GDF6: variants seen among roughly 807,000 people sequenced by gnomAD.
The protein encoded by GDF6 is growth/differentiation factor 6.
A neutral mutation model predicts 32.4 loss-of-function variants in GDF6; 3 were observed. The ratio of observed to expected loss-of-function variants is 0.09; its 90% confidence interval spans 0.04 to 0.24. The LOEUF is 0.24. Among genes scored for constraint, GDF6 ranks in the 10% least tolerant of loss-of-function variants. The pLI, the probability that GDF6 is intolerant of heterozygous loss-of-function variation, is 1.00. For synonymous variants in GDF6, 296 were observed against 295.3 expected (o/e 1.00, Z -0.03); for missense variants, 589 against 637.9 (o/e 0.92, Z 0.83).
At chr8:96,154,137 GCCCCTGTGCCCGT>G (rs1812617776) in intron 1 of GDF6, among the ~76,000 whole-genome samples, 1 of 152,112 alleles carries the variant, frequency 6.6e-6, no homozygotes. Flanking sequence ...CCCCTGCGCT[GCCCCTGTGCCCGT>G]CCTCTGTCCT....
Position 96,160,390 on chromosome 8 carries a change from G to A in GDF6, c.303C>T (p.Ile101=). The part of the protein sequence containing the change: ...RVVPHEYMLS[I]YRTYSIAEKL... ...TCTCAGCGATGGAGTAAGTCCTGTA[G>A]ATTGACAGCATGTACTCGTGGGGCA... is the stretch of plus-strand genomic sequence containing the variant. Residue 101 remains isoleucine, a synonymous_variant, in exon 1 of 2, where the codon ATC becomes ATT. Coordinates refer to ENST00000287020, the MANE Select transcript of GDF6 (RefSeq NM_001001557.4). The A allele has an allele frequency of 6.2e-7, 1 of 1,614,208 alleles. No homozygotes were observed. The highest frequency in any genetic ancestry group is 1.7e-5 in the Admixed American group (1 of 60,036).
intron 1 of GDF6, among the ~76,000 whole-genome samples, chr8:96,158,868 C>A (rs1265603064): frequency 6.6e-6 from 1 of 152,124 alleles, no homozygotes; most frequent in Non-Finnish European, 1.5e-5. Flanking sequence ...GTTAATTTGC[C>A]CTCTGGACCT....
intron 1 of GDF6, among the ~76,000 whole-genome samples, chr8:96,151,282 TC>T (rs1812564919): frequency 6.6e-6 from 1 of 152,238 alleles, no homozygotes; most frequent in Non-Finnish European, 1.5e-5. Flanking sequence ...AGCATAATAA[TC>T]GTTAAGAGCA....
chr8:96,152,305 A>G (rs1448574724), intron 1 of GDF6, among the ~76,000 whole-genome samples: 1 of 152,066 alleles, frequency 6.6e-6, no homozygotes, highest in Non-Finnish European at 1.5e-5. Flanking sequence ...GATGACCTCC[A>G]CCCCAGCCAC....
Position 96,142,689 on chromosome 8 carries a change from A to C in GDF6, c.*1874T>G, listed in dbSNP as rs1365297296. ...CTGTCCATTTCCTCTTTGCACTTTC[A>C]GTCACCTTAAATAAACAAATATATA... On this transcript the variant is annotated 3_prime_UTR_variant, in exon 2 of 2. Coordinates refer to ENST00000287020, the MANE Select transcript of GDF6 (RefSeq NM_001001557.4). 1 of 152,682 alleles carries C rather than the reference A, an allele frequency of 6.5e-6. No homozygotes were observed. Among genetic ancestry groups the C allele is most frequent in the East Asian group, 1.9e-4 (1 of 5,202 alleles). 9.5% of individuals were successfully genotyped at this position (152,682 alleles called of 1,614,324 possible).
chr8:96,156,397 TCTCTCTC>T (rs1451367490), intron 1 of GDF6, among the ~76,000 whole-genome samples: 1 of 149,060 alleles, frequency 6.7e-6, no homozygotes, highest in Non-Finnish European at 1.5e-5. Flanking sequence ...TCTCTCTCTC[TCTCTCTC>T]TTTCCCTCTC....
At chr8:96,155,094 G>T (rs983231946) in intron 1 of GDF6, among the ~76,000 whole-genome samples, 13 of 152,114 alleles carry the variant, frequency 8.5e-5, no homozygotes, top group African/African-American at 2.7e-4. Flanking sequence ...CTTTTAATGC[G>T]CAGAAACCAC....
chr8:96,153,711 C>T (rs1285031689), intron 1 of GDF6, among the ~76,000 whole-genome samples: 2 of 152,104 alleles, frequency 1.3e-5, no homozygotes, highest in Non-Finnish European at 2.9e-5. Context: ...ATGTGACTTC[C>T]GCTCCCTGAC....
chr8:96,158,287 G>C (rs1056399683), intron 1 of GDF6, among the ~76,000 whole-genome samples: 10 of 152,298 alleles, frequency 6.6e-5, no homozygotes, highest in Non-Finnish European at 1.2e-4. Flanking sequence ...CTATCTCCAG[G>C]ATCGGGGGCA....
In GDF6 at chr8:96,144,528, C is replaced by T. The variant is rs754843511; in HGVS notation, c.*35G>A. On this transcript the variant is annotated 3_prime_UTR_variant, in exon 2 of 2. Coordinates refer to ENST00000287020, the MANE Select transcript of GDF6 (RefSeq NM_001001557.4). The surrounding 1 kb of genome is among the most constrained non-coding windows in gnomAD (Gnocchi z 5.1). ...CCCTGCAAGGCGGACCTTGGCCCAC[C>T]TTGGTTCCGGGCCAAGGCGGCGGGA... The T allele has an allele frequency of 2.5e-6, 4 of 1,609,312 alleles. No individual in the cohort carries two copies. Among genetic ancestry groups the T allele is most frequent in the Non-Finnish European group, 3.4e-6 (4 of 1,178,146 alleles).
Position 96,144,722 on chromosome 8 carries a change from G to C in GDF6, c.1209C>G (p.Ile403Met). ...SHLEPTNHAI[I>M]QTLMNSMDPG... Reference sequence around the variant, plus strand: ...GGTCCATGGAGTTCATCAGCGTCTGGATGATGGCGTGGTTGGTGGGCTCCA... The same window carrying C: ...GGTCCATGGAGTTCATCAGCGTCTGCATGATGGCGTGGTTGGTGGGCTCCA... Residue 403 changes from isoleucine to methionine, a missense_variant, in exon 2 of 2, where the codon ATC (isoleucine) becomes ATG (methionine). Ile to Met is a conservative substitution (Grantham distance 10). This residue lies in a region of GDF6 where 153 missense variants were observed against 226.7 expected (regional missense o/e 0.67). Coordinates refer to ENST00000287020, the MANE Select transcript of GDF6 (RefSeq NM_001001557.4). The surrounding 1 kb of genome is among the most constrained non-coding windows in gnomAD (Gnocchi z 5.1). 1.2e-6 allele frequency: 2 copies of C among 1,614,186 alleles called. No individual in the cohort carries two copies. Among genetic ancestry groups the C allele is most frequent in the Non-Finnish European group, 1.7e-6 (2 of 1,180,026 alleles).
At chr8:96,155,651 G>A (rs939599277) in intron 1 of GDF6, among the ~76,000 whole-genome samples, 30 of 152,118 alleles carry the variant, frequency 2.0e-4, no homozygotes, top group African/African-American at 6.8e-4. Context: ...CCCTCTTTCC[G>A]GGGAAATAAA....
rs1812423617 is a variant in GDF6, at chr8:96,144,275, A to AGAGG, written c.*287_*288insCCTC. ...GAGAGAGAGAGAGAGAGAGAGAGAG[A>AGAGG]GAGAGAGAGAGAGAGAAAACAGAAC... On this transcript the variant is annotated 3_prime_UTR_variant, in exon 2 of 2. Coordinates refer to ENST00000287020, the MANE Select transcript of GDF6 (RefSeq NM_001001557.4). This position sits in a 1 kb window ranked among gnomAD's most constrained non-coding sequence, Gnocchi z 5.1. 4 of 468,422 alleles carry AGAGG rather than the reference A, an allele frequency of 8.5e-6. No homozygotes were observed. Among genetic ancestry groups the AGAGG allele is most frequent in the Non-Finnish European group, 1.6e-5 (4 of 257,334 alleles). 29.0% of individuals were successfully genotyped at this position (468,422 alleles called of 1,614,324 possible).
chr8:96,156,124 G>GT (rs1812656250), intron 1 of GDF6, among the ~76,000 whole-genome samples: 2 of 152,236 alleles, frequency 1.3e-5, no homozygotes, highest in Non-Finnish European at 2.9e-5. Flanking sequence ...CTTCAAGGAT[G>GT]TTCCCATCTC....
Position 96,145,081 on chromosome 8 carries a change from A to G in GDF6, c.850T>C (p.Ser284Pro), listed in dbSNP as rs1812450301. 6.6e-7 allele frequency: 1 copy of G among 1,515,884 alleles called. No individual in the cohort carries two copies. Among genetic ancestry groups the G allele is most frequent in the Non-Finnish European group, 8.8e-7 (1 of 1,141,392 alleles). 93.9% of individuals were successfully genotyped at this position (1,515,884 alleles called of 1,614,324 possible). ...TCTGCGAACAGGTTCTTGCGCTGGG[A>G]TCTGGTGAATACCACCAGCAGGGCC... ...ERALLVVFTR[S>P]QRKNLFAEMR... Residue 284 changes from serine (S) to proline (P), a missense_variant, in exon 2 of 2, where the codon TCC (serine) becomes CCC (proline). By Grantham distance (74) the Ser-to-Pro change is moderately conservative. Transcript: ENST00000287020. The surrounding 1 kb of genome is among the most constrained non-coding windows in gnomAD (Gnocchi z 5.6).
rs773668867 is a variant in GDF6, at chr8:96,160,653, T to C, written c.40A>G (p.Ile14Val). The C allele has an allele frequency of 5.1e-5, 83 of 1,613,492 alleles. No individual in the cohort carries two copies. The highest frequency in any genetic ancestry group is 6.0e-5 in the Non-Finnish European group (71 of 1,179,646). The change falls in exon 1 of 2, where the codon ATC (isoleucine) becomes GTC (valine). Residue 14 changes from isoleucine (I) to valine (V), a missense_variant. By Grantham distance (29) the Ile-to-Val change is conservative. Transcript: ENST00000287020. Reference sequence around the variant, plus strand: ...CCGGGCAAATCCCACAGAAAACTGATGAGGAAGACGGCCGAGAGCAGGACC... The same window carrying C: ...CCGGGCAAATCCCACAGAAAACTGACGAGGAAGACGGCCGAGAGCAGGACC... The part of the protein sequence containing the change: ...PRVLLSAVFL[I>V]SFLWDLPGFQ...
chr8:96,157,375 G>C (rs536012500), intron 1 of GDF6, among the ~76,000 whole-genome samples: 1 of 152,296 alleles, frequency 6.6e-6, no homozygotes, highest in Admixed American at 6.5e-5. Context: ...TAGGCTTCAG[G>C]TGTAACTTTG....
intron 1 of GDF6, among the ~76,000 whole-genome samples, chr8:96,160,052 G>T (rs1353249281): frequency 2.0e-5 from 3 of 152,148 alleles, no homozygotes; most frequent in Non-Finnish European, 4.4e-5. Context: ...AGAGGAAGAA[G>T]GAAAGAAGGG....
chr8:96,145,215 T>C lies in GDF6; in HGVS notation c.716A>G (p.Glu239Gly), dbSNP rs1050890994. The C allele has an allele frequency of 3.3e-6, 5 of 1,510,022 alleles. No individual in the cohort carries two copies. The East Asian group carries it at 1.3e-4, about 40-fold the overall frequency. The allele number at this position is 1,510,022 out of a possible 1,614,324, so 93.5% of individuals were successfully genotyped here. The change falls in exon 2 of 2, where the codon GAG (glutamate) becomes GGG (glycine). Residue 239 changes from glutamate to glycine, a missense_variant. Glu to Gly is a moderately conservative substitution (Grantham distance 98, BLOSUM62 -2). Around this residue, in one of 2 missense-constraint regions of GDF6, gnomAD observed 436 missense variants for 411.2 expected, o/e 1.06. Coordinates refer to ENST00000287020, the MANE Select transcript of GDF6 (RefSeq NM_001001557.4). The surrounding 1 kb of genome is among the most constrained non-coding windows in gnomAD (Gnocchi z 5.6). ...CGCCTCGGCCTCCCCGGCGTCCAGC[T>C]CGCCCCATGCGGCCCGCAGCTCCAA... The part of the protein sequence containing the change: ...LCLELRAAWG[E>G]LDAGEAEARA...
Sources: gnomAD v4.1 joint callset for allele counts (sites outside exome capture counted in the v4.1 genomes callset) on GRCh38, gnomAD v4.1.1 for gene constraint, gnomAD v4.1.1 regional missense constraint, Gnocchi (gnomAD v3.1) non-coding constraint, MANE v1.5 for transcripts, NCBI Gene and HGNC (gene_info 2026-07-23, HGNC 2026-07-21) for gene names.